Variants in RBPJ observed in about 807,000 individuals in gnomAD.
The protein encoded by RBPJ is recombining binding protein suppressor of hairless.
In RBPJ, 9 loss-of-function variants were observed where a neutral mutation model predicts 67.8. The observed-to-expected ratio is 0.13, with a 90% CI of 0.08 to 0.23. RBPJ has a LOEUF of 0.23. RBPJ is among the 10% of genes least tolerant of loss of function. RBPJ has a pLI of 1.00. For synonymous variants in RBPJ, 198 were observed against 203.3 expected, an observed-to-expected ratio of 0.97 and a Z score of 0.22; for missense variants, 305 against 595.6, an observed-to-expected ratio of 0.51 and a Z score of 5.08.
intron 1 of RBPJ, among the ~76,000 whole-genome samples, chr4:26,379,795 T>G (rs533356632): frequency 6.6e-6 from 1 of 152,308 alleles, no homozygotes; most frequent in South Asian, 2.1e-4. Context: ...AGGCTGGTCT[T>G]GAACTCTTGG....
At chr4:26,385,232 G>A (rs1043815765) in intron 1 of RBPJ, among the ~76,000 whole-genome samples, 5 of 151,480 alleles carry the variant, frequency 3.3e-5, no homozygotes, top group Admixed American at 2.6e-4. Context: ...TGTTGGCCAG[G>A]CTGGTCTCGA....
chr4:26,210,767 C>CTTTCTTTCTTTG (rs1718386372), intron 1 of RBPJ, among the ~76,000 whole-genome samples: 1 of 131,058 alleles, frequency 7.6e-6, no homozygotes, highest in Non-Finnish European at 1.6e-5. Context: ...TTCTTTCTTT[C>CTTTCTTTCTTTG]TTTCTTTCTT....
chr4:26,297,940 T>G (rs1354931762), intron 1 of RBPJ, among the ~76,000 whole-genome samples: 1 of 152,088 alleles, frequency 6.6e-6, no homozygotes. Flanking sequence ...ATACTGTTCA[T>G]CTCCATTAAC....
At chr4:26,391,057 A>G (rs1731449349) in intron 2 of RBPJ, among the ~76,000 whole-genome samples, 1 of 152,216 alleles carries the variant, frequency 6.6e-6, no homozygotes, top group Non-Finnish European at 1.5e-5. Context: ...ACCCTGTCTC[A>G]AATAAATATA....
intron 1 of RBPJ, among the ~76,000 whole-genome samples, chr4:26,266,103 G>T (rs1158374756): frequency 6.6e-6 from 1 of 151,980 alleles, no homozygotes; most frequent in Non-Finnish European, 1.5e-5. Flanking sequence ...CCATACTTTG[G>T]GGTATCTTTC....
intron 1 of RBPJ, among the ~76,000 whole-genome samples, chr4:26,373,461 G>A (rs901387275): frequency 7.2e-5 from 11 of 152,206 alleles, no homozygotes; most frequent in Non-Finnish European, 1.5e-4. Context: ...AAGGAAAGAT[G>A]CACTGCTGGA....
At chr4:26,316,737 G>A (rs907004415), upstream of RBPJ, among the ~76,000 whole-genome samples, 1 of 139,380 alleles carries the variant, frequency 7.2e-6, no homozygotes, top group South Asian at 2.2e-4. Context: ...CCGGCTAGTG[G>A]TGTTTTTGTT....
intron 1 of RBPJ, among the ~76,000 whole-genome samples, chr4:26,286,312 C>G (rs1225518717): frequency 6.6e-6 from 1 of 151,878 alleles, no homozygotes; most frequent in Non-Finnish European, 1.5e-5. Context: ...GACCAGGTCT[C>G]TTTAAAAATA....
At chr4:26,342,206 G>A (rs1431428312) in intron 1 of RBPJ, among the ~76,000 whole-genome samples, 1 of 151,236 alleles carries the variant, frequency 6.6e-6, no homozygotes, top group African/African-American at 2.4e-5. Flanking sequence ...GTATCAAAAG[G>A]AGGGAAGACA....
chr4:26,270,379 A>AAG (rs1301563237), intron 1 of RBPJ, among the ~76,000 whole-genome samples: 3 of 47,310 alleles, frequency 6.3e-5, no homozygotes, highest in African/African-American at 2.0e-4. Flanking sequence ...GAAAGAAAGA[A>AAG]AGAAAGAAAG....
chr4:26,367,869 C>CT (rs1318662534), intron 1 of RBPJ: 4 of 152,132 alleles, frequency 2.6e-5, no homozygotes, highest in Non-Finnish European at 5.9e-5. Flanking sequence ...TTTCTTTCTC[C>CT]TTAGAAAACA....
At chr4:26,119,896 G>A in the RBPJ span, among the ~76,000 whole-genome samples, 8 of 152,326 alleles carry the variant, frequency 5.3e-5, no homozygotes, top group East Asian at 1.5e-3. Context: ...TACCATGTTT[G>A]GGATCATAAG....
At chr4:26,372,489 A>G (rs1027090488) in intron 1 of RBPJ, among the ~76,000 whole-genome samples, 11 of 152,230 alleles carry the variant, frequency 7.2e-5, no homozygotes, top group African/African-American at 2.7e-4. Context: ...CTGTAACACA[A>G]CACCTTTGCA....
chr4:26,338,585 T>TC (rs1244568142), intron 1 of RBPJ, among the ~76,000 whole-genome samples: 2 of 151,276 alleles, frequency 1.3e-5, no homozygotes, highest in Non-Finnish European at 3.0e-5. Flanking sequence ...AACTTTTTTT[T>TC]TTTTTTTTGA....
the RBPJ span, among the ~76,000 whole-genome samples, chr4:26,155,149 G>A: frequency 5.3e-5 from 8 of 152,214 alleles, no homozygotes; most frequent in Admixed American, 3.3e-4. Flanking sequence ...GAAAGGAGGG[G>A]TGAATACCTG....
intron 1 of RBPJ, among the ~76,000 whole-genome samples, chr4:26,375,800 G>A (rs115824216): frequency 3.9e-5 from 6 of 152,140 alleles, no homozygotes; most frequent in Admixed American, 3.9e-4. Context: ...CAGGGGAAAG[G>A]GATGCTTGCT....
chr4:26,115,133 G>A, the RBPJ span, among the ~76,000 whole-genome samples: 3 of 152,202 alleles, frequency 2.0e-5, no homozygotes, highest in South Asian at 2.1e-4. Flanking sequence ...ATAAATCAAG[G>A]TTTTCATTTT....
chr4:26,274,615 G>A (rs1032650181), intron 1 of RBPJ, among the ~76,000 whole-genome samples: 4 of 152,042 alleles, frequency 2.6e-5, no homozygotes, highest in Admixed American at 6.6e-5. Flanking sequence ...GGGTGATAGA[G>A]CGAGCGAGAC....
rs770399404 is a variant in RBPJ, at chr4:26,215,325, GAAAA to G, written c.-167+51713_-167+51716del. Reference sequence around the variant, plus strand: ...GAGAGAGAAAAGAGAAAGAAAGAAAGAAAAAGAGAGAGAGAAAGAAAGAAAAAAA... The same window carrying G: ...GAGAGAGAAAAGAGAAAGAAAGAAAGAGAGAGAGAGAAAGAAAGAAAAAAA... On this transcript the variant is annotated intron_variant, in intron 1 of 4. Coordinates refer to the RBPJ transcript ENST00000512351. Among the ~76,000 whole-genome samples the G allele has an allele frequency of 1.1e-3, 79 of 74,812 alleles. 1 individual carries two copies. The highest frequency in any genetic ancestry group is 4.3e-3 in the East Asian group (5 of 1,154). 49.1% of individuals were successfully genotyped at this position (74,812 alleles called of 152,430 possible). A position where few individuals can be genotyped will look rare whatever the true frequency, so the allele number is the denominator to read the frequency against.
Sources: gnomAD v4.1 joint callset for allele counts (sites outside exome capture counted in the v4.1 genomes callset) on GRCh38, gnomAD v4.1.1 for gene constraint, MANE v1.5 for transcripts, NCBI Gene and HGNC (gene_info 2026-07-23, HGNC 2026-07-21) for gene names.